PHLPP2: variants seen among roughly 807,000 people sequenced by gnomAD.
The protein encoded by PHLPP2 is PH domain and leucine rich repeat protein phosphatase 2.
PHLPP2 carries 66 observed loss-of-function variants against 124.9 expected under a neutral mutation model. That is an observed-to-expected ratio of 0.53 (90% CI 0.43 to 0.65). PHLPP2 has a LOEUF of 0.65. Among genes scored for constraint, PHLPP2 ranks in the 30% least tolerant of loss-of-function variants. The probability of loss-of-function intolerance (pLI) is 0.00; values close to 1 mark genes in which losing one functional copy is unlikely to be tolerated. For missense variants in PHLPP2, 1,685 were observed against 1,600.4 expected, an observed-to-expected ratio of 1.05 and a Z score of -0.90; for synonymous variants, 681 against 624.7, an observed-to-expected ratio of 1.09 and a Z score of -1.34.
At chr16:71,694,879 GGTTC>G (rs767944009) in intron 3 of PHLPP2, among the ~76,000 whole-genome samples, 4 of 151,940 alleles carry the variant, frequency 2.6e-5, no homozygotes, top group Non-Finnish European at 4.4e-5. Flanking sequence ...CCGCCTTTTG[GGTTC>G]ACGCCATTCT....
In PHLPP2 at chr16:71,658,315, C is replaced by G. The variant is rs1362861393; in HGVS notation, c.2197G>C (p.Ala733Pro). The change falls in exon 15 of 19, where the codon GCT becomes CCT. Residue 733 changes from alanine (A) to proline (P), a missense_variant. By Grantham distance (27) the Ala-to-Pro change is conservative (BLOSUM62 -1). Transcript: ENST00000568954. ...AGGTCTTGTAATGTAGCAGGCAAAGCCTCTGGAATCAGGATTTCTGTCAAG... is the reference window on the plus strand; with the variant it reads ...AGGTCTTGTAATGTAGCAGGCAAAGGCTCTGGAATCAGGATTTCTGTCAAG... ...NDLTEILIPE[A>P]LPATLQDLDL... 2 of 1,613,732 alleles carry G rather than the reference C, an allele frequency of 1.2e-6. No homozygotes were observed. Among genetic ancestry groups the G allele is most frequent in the Admixed American group, 3.3e-5 (2 of 60,000 alleles).
intron 4 of PHLPP2, among the ~76,000 whole-genome samples, chr16:71,689,745 C>A (rs1453645587): frequency 6.6e-6 from 1 of 151,760 alleles, no homozygotes; most frequent in Non-Finnish European, 1.5e-5. Context: ...AAACTCCTGG[C>A]CTCAAGTGAT....
At chr16:71,650,085 G>T in intron 18 of PHLPP2, 41 bp from the exon 19 acceptor site, 2 of 1,479,780 alleles carry the variant, frequency 1.4e-6, no homozygotes, top group South Asian at 2.3e-5. Flanking sequence ...AACAAGCAAC[G>T]ATGAGAGCCA....
intron 16 of PHLPP2, 126 bp from the exon 17 acceptor site, chr16:71,655,560 T>TAGCGCAATCTC: frequency 6.2e-6 from 4 of 647,368 alleles, no homozygotes; most frequent in South Asian, 2.1e-5. Flanking sequence ...TGGAGTGCAG[T>TAGCGCAATCTC]GGCATGATCT....
chr16:71,686,922 A>G (rs1052812298), intron 4 of PHLPP2, among the ~76,000 whole-genome samples: 10 of 152,222 alleles, frequency 6.6e-5, no homozygotes, highest in Non-Finnish European at 1.5e-4. Context: ...CTTTTAAAGA[A>G]CATATGTTCA....
intron 1 of PHLPP2, among the ~76,000 whole-genome samples, chr16:71,721,171 A>G (rs1220994171): frequency 6.6e-6 from 1 of 151,928 alleles, no homozygotes; most frequent in Non-Finnish European, 1.5e-5. Context: ...CATCTCTACT[A>G]AAAAAACAAA....
In PHLPP2 at chr16:71,658,284, A is replaced by C. The variant is rs763689089; in HGVS notation, c.2228T>G (p.Leu743Arg). ...ALPATLQDLD[L>R]TGNTNLVLEH... ...CAGAACCAGATTTGTATTTCCAGTCAGGTCAAGGTCTTGTAATGTAGCAGG... is the reference window on the plus strand; with the variant it reads ...CAGAACCAGATTTGTATTTCCAGTCCGGTCAAGGTCTTGTAATGTAGCAGG... Residue 743 changes from leucine to arginine, a missense_variant, in exon 15 of 19, where the codon CTG becomes CGG. Physicochemically the swap from Leu to Arg is moderately radical, Grantham distance 102 (BLOSUM62 -2). Coordinates refer to ENST00000568954, the MANE Select transcript of PHLPP2 (RefSeq NM_015020.3). 6.2e-7 allele frequency: 1 copy of C among 1,613,804 alleles called. No individual in the cohort carries two copies. The highest frequency in any genetic ancestry group is 8.5e-7 in the Non-Finnish European group (1 of 1,179,728).
In PHLPP2 at chr16:71,658,228, C is replaced by G; in HGVS notation, c.2279+5G>C. On this transcript the variant is annotated splice_donor_5th_base_variant and intron_variant, in intron 15 of 18. Coordinates refer to ENST00000568954, the MANE Select transcript of PHLPP2 (RefSeq NM_015020.3). Reference sequence around the variant, plus strand: ...ATAGAGATTCCATTTCAAATTTTTTCCTACCTAAATATGTCCAGTGTCTTG... The same window carrying G: ...ATAGAGATTCCATTTCAAATTTTTTGCTACCTAAATATGTCCAGTGTCTTG... The G allele has an allele frequency of 6.2e-7, 1 of 1,611,440 alleles. No individual in the cohort carries two copies. Among genetic ancestry groups the G allele is most frequent in the Non-Finnish European group, 8.5e-7 (1 of 1,178,974 alleles).
At chr16:71,650,162 T>C (rs2044686494) in intron 18 of PHLPP2, 118 bp from the exon 19 acceptor site, 1 of 704,028 alleles carries the variant, frequency 1.4e-6, no homozygotes, top group African/African-American at 1.8e-5. Context: ...ATTTTTCCTA[T>C]GGATTAGTAT....
intron 2 of PHLPP2, among the ~76,000 whole-genome samples, chr16:71,707,061 TCTC>T (rs1471278324): frequency 6.8e-6 from 1 of 147,718 alleles, no homozygotes; most frequent in Non-Finnish European, 1.5e-5. Flanking sequence ...TTCACGCCAT[TCTC>T]CTGCCTCAGC....
intron 3 of PHLPP2, among the ~76,000 whole-genome samples, chr16:71,695,047 A>C (rs1279592069): frequency 6.6e-6 from 1 of 152,142 alleles, no homozygotes; most frequent in Non-Finnish European, 1.5e-5. Flanking sequence ...GGCATCCCAA[A>C]GTGCTGGGAT....
intron 7 of PHLPP2, 41 bp from the exon 8 acceptor site, chr16:71,679,026 T>C: frequency 9.3e-7 from 1 of 1,070,026 alleles, no homozygotes; most frequent in Non-Finnish European, 1.4e-6. Context: ...TATGAAAGGT[T>C]TCACTGGAAT....
intron 3 of PHLPP2, among the ~76,000 whole-genome samples, chr16:71,691,620 A>C (rs1464581043): frequency 2.0e-5 from 3 of 152,188 alleles, no homozygotes; most frequent in Non-Finnish European, 4.4e-5. Flanking sequence ...TAGTAACTAC[A>C]GGAGTACTCT....
chr16:71,682,868 A>G (rs930434489), intron 5 of PHLPP2, among the ~76,000 whole-genome samples: 1 of 152,168 alleles, frequency 6.6e-6, no homozygotes. Flanking sequence ...AAGAAACAAT[A>G]TATCACTAGA....
At chr16:71,654,071 T>A (rs1204913573) in intron 17 of PHLPP2, among the ~76,000 whole-genome samples, 1 of 151,964 alleles carries the variant, frequency 6.6e-6, no homozygotes, top group South Asian at 2.1e-4. Flanking sequence ...GGCGGGCACC[T>A]GTAGTCCCAG....
intron 1 of PHLPP2, among the ~76,000 whole-genome samples, chr16:71,720,136 A>C (rs1282182422): frequency 6.6e-6 from 1 of 151,014 alleles, no homozygotes; most frequent in Non-Finnish European, 1.5e-5. Context: ...CGCCTGGCTA[A>C]TTTTTTGTAT....
At chr16:71,706,305 A>G (rs2045273742) in intron 2 of PHLPP2, among the ~76,000 whole-genome samples, 1 of 152,236 alleles carries the variant, frequency 6.6e-6, no homozygotes, top group Non-Finnish European at 1.5e-5. Context: ...AGCAGATTAT[A>G]CCGCTTAGCC....
chr16:71,702,462 T>C (rs974313289), intron 3 of PHLPP2, 136 bp downstream of exon 3: 5 of 575,296 alleles, frequency 8.7e-6, no homozygotes, highest in Non-Finnish European at 1.2e-5. Context: ...TGTTGTTTGG[T>C]TGGTGTTAAC....
In PHLPP2 at chr16:71,714,608, T is replaced by G; in HGVS notation, c.188A>C (p.His63Pro). 1.9e-6 allele frequency: 3 copies of G among 1,614,074 alleles called. No homozygotes were observed. Among genetic ancestry groups the G allele is most frequent in the Non-Finnish European group, 2.5e-6 (3 of 1,179,980 alleles). The change falls in exon 2 of 19, where the codon CAT becomes CCT. Residue 63 changes from histidine to proline, a missense_variant. Coordinates refer to ENST00000568954, the MANE Select transcript of PHLPP2 (RefSeq NM_015020.3). ...TGTCTCTACAGTGCAAAGGACGAGA[T>G]GTAAGTCAGAGGAAGAGGAGGAGGA... ...SSSSSSSSDL[H>P]LVLCTVETPA...
Sources: allele counts gnomAD v4.1 joint callset (sites outside exome capture counted in the v4.1 genomes callset), GRCh38; gene constraint gnomAD v4.1.1; transcripts MANE v1.5; gene names NCBI Gene and HGNC (gene_info 2026-07-23, HGNC 2026-07-21).